PPP2R2B: variants seen among roughly 807,000 people sequenced by gnomAD.
PPP2R2B encodes the protein protein phosphatase 2 regulatory subunit Bbeta, also known as serine/threonine-protein phosphatase 2A 55 kDa regulatory subunit B beta isoform.
A neutral mutation model predicts 46.0 loss-of-function variants in PPP2R2B; 5 were observed. The ratio of observed to expected loss-of-function variants is 0.11; its 90% CI spans 0.06 to 0.23. PPP2R2B has a LOEUF of 0.23. Ranked by LOEUF, PPP2R2B falls within the 10% of genes least tolerant of loss-of-function variation. PPP2R2B has a pLI of 1.00. For synonymous variants in PPP2R2B, 215 were observed against 206.7 expected (o/e 1.04, Z -0.34); for missense variants, 367 against 575.0 (o/e 0.64, Z 3.70).
At chr5:146,593,922 G>T (rs528912189) in intron 8 of PPP2R2B, among the ~76,000 whole-genome samples, 1 of 152,234 alleles carries the variant, frequency 6.6e-6, no homozygotes, top group African/African-American at 2.4e-5. Context: ...GTTATAACCT[G>T]AGTGATAGAT....
chr5:147,019,960 T>G (rs1755184827), intron 1 of PPP2R2B, among the ~76,000 whole-genome samples: 1 of 152,160 alleles, frequency 6.6e-6, no homozygotes, highest in Non-Finnish European at 1.5e-5. Context: ...TGGCCATTCC[T>G]TATCAACAGA....
chr5:147,028,992 T>A (rs1294210846), intron 1 of PPP2R2B, among the ~76,000 whole-genome samples: 3 of 152,222 alleles, frequency 2.0e-5, no homozygotes, highest in Admixed American at 2.0e-4. Flanking sequence ...TGCCTATTGT[T>A]CTATTGAGCT....
At position 147,027,460 on chromosome 5, in the gene PPP2R2B, T is replaced by A. The variant is rs932796143; in HGVS notation, c.79+28205A>T. ...CCATCCTGGCCAACATGGTGACACC[T>A]CGTCTCTACTAAAAATACAAAAATT... On this transcript the variant is annotated intron_variant, in intron 1 of 8. Transcript: ENST00000336640. 2.0e-5 allele frequency among the ~76,000 whole-genome samples: 3 copies of A among 151,892 alleles called. No individual in the cohort carries two copies. The South Asian group carries it at 6.2e-4, about 32-fold the overall frequency.
chr5:146,727,302 TG>T (rs1218931705), intron 2 of PPP2R2B, among the ~76,000 whole-genome samples: 2 of 139,198 alleles, frequency 1.4e-5, no homozygotes, highest in Non-Finnish European at 1.5e-5. Flanking sequence ...TTATGAGAGG[TG>T]TTTTTTTTTT....
intron 2 of PPP2R2B, among the ~76,000 whole-genome samples, chr5:147,077,499 T>G (rs1010936200): frequency 5.3e-5 from 8 of 152,096 alleles, no homozygotes; most frequent in Admixed American, 6.6e-5. Flanking sequence ...CTGAATAATT[T>G]TTATTGACTT....
At chr5:146,750,807 C>T (rs767441147) in intron 2 of PPP2R2B, among the ~76,000 whole-genome samples, 5 of 152,092 alleles carry the variant, frequency 3.3e-5, no homozygotes, top group East Asian at 3.8e-4. Flanking sequence ...TTGGCACCTA[C>T]TTTGAATTAA....
intron 4 of PPP2R2B, among the ~76,000 whole-genome samples, chr5:146,694,073 T>A (rs1003249090): frequency 1.3e-5 from 2 of 152,160 alleles, no homozygotes; most frequent in African/African-American, 4.8e-5. Flanking sequence ...CACAGTACCA[T>A]TCGCCTTGAA....
At chr5:146,603,757 G>A (rs915461946) in intron 7 of PPP2R2B, among the ~76,000 whole-genome samples, 2 of 152,052 alleles carry the variant, frequency 1.3e-5, no homozygotes, top group East Asian at 3.9e-4. Flanking sequence ...TCATTTAGTT[G>A]TTAAAACAGC....
chr5:146,742,209 C>T (rs772404575), intron 2 of PPP2R2B, among the ~76,000 whole-genome samples: 8 of 152,336 alleles, frequency 5.3e-5, no homozygotes, highest in Admixed American at 1.3e-4. Context: ...GACTATATTG[C>T]TCCAAAGGGT....
intron 2 of PPP2R2B, among the ~76,000 whole-genome samples, chr5:146,827,039 G>A (rs575833803): frequency 6.6e-6 from 1 of 152,262 alleles, no homozygotes; most frequent in Admixed American, 6.5e-5. Context: ...AACTGCTTAA[G>A]TTTCTGCTTC....
In PPP2R2B at chr5:147,055,865, C is replaced by T. The variant is rs1757065081; in HGVS notation, c.-122G>A. The T allele has an allele frequency of 4.8e-6, 7 of 1,469,250 alleles. No individual in the cohort carries two copies. The African/African-American group carries it at 9.9e-5, about 21-fold the overall frequency. The allele number at this position is 1,469,250 out of a possible 1,614,324, so 91.0% of individuals were successfully genotyped here. On this transcript the variant is annotated 5_prime_UTR_variant, in exon 1 of 9. Transcript: ENST00000336640. ...TTATGTAGGTTCTTTCCCAGATTTGCAAAGCTGGGGTGCCCGAGGAATAAC... is the reference window on the plus strand; with the variant it reads ...TTATGTAGGTTCTTTCCCAGATTTGTAAAGCTGGGGTGCCCGAGGAATAAC...
chr5:146,935,845 G>T (rs1764121713), intron 1 of PPP2R2B, among the ~76,000 whole-genome samples: 1 of 152,162 alleles, frequency 6.6e-6, no homozygotes, highest in African/African-American at 2.4e-5. Context: ...GTCTGCATAT[G>T]CTTGGACTCA....
At chr5:146,950,631 AGCCAAAGAGTCACTGTTTAG>A (rs1311635460) in intron 1 of PPP2R2B, among the ~76,000 whole-genome samples, 2 of 152,026 alleles carry the variant, frequency 1.3e-5, no homozygotes, top group Non-Finnish European at 2.9e-5. Flanking sequence ...ATAAATATAC[AGCCAAAGAGTCACTGTTTAG>A]GCTGTACATA....
chr5:146,909,674 C>T (rs905539513), intron 1 of PPP2R2B, among the ~76,000 whole-genome samples: 3 of 152,214 alleles, frequency 2.0e-5, no homozygotes, highest in Non-Finnish European at 4.4e-5. Context: ...CACTGTGTTG[C>T]AAGCCCGCAT....
intron 2 of PPP2R2B, among the ~76,000 whole-genome samples, chr5:146,835,623 A>G (rs1442276439): frequency 6.6e-6 from 1 of 152,126 alleles, no homozygotes; most frequent in Non-Finnish European, 1.5e-5. Context: ...CTCACAGTCT[A>G]CTGATGAAGA....
chr5:146,658,280 T>C (rs1214638359), intron 5 of PPP2R2B, among the ~76,000 whole-genome samples: 2 of 152,198 alleles, frequency 1.3e-5, no homozygotes, highest in African/African-American at 2.4e-5. Context: ...CTTGAGGCAC[T>C]AGACGGTAAA....
chr5:146,739,978 T>C (rs938960467), intron 2 of PPP2R2B, among the ~76,000 whole-genome samples: 2 of 152,132 alleles, frequency 1.3e-5, no homozygotes, highest in South Asian at 4.1e-4. Context: ...CTTGGAAAAA[T>C]GTGGGTGCGA....
intron 2 of PPP2R2B, among the ~76,000 whole-genome samples, chr5:146,795,483 T>A (rs1299160999): frequency 6.6e-6 from 1 of 152,040 alleles, no homozygotes; most frequent in Non-Finnish European, 1.5e-5. Context: ...TCTAAAAAAG[T>A]TGAACTCATA....
At chr5:146,948,830 T>C (rs540313194) in intron 1 of PPP2R2B, among the ~76,000 whole-genome samples, 6 of 152,224 alleles carry the variant, frequency 3.9e-5, no homozygotes, top group African/African-American at 1.2e-4. Flanking sequence ...TAAGTAACTA[T>C]AATTGAGTGA....
Sources: allele counts gnomAD v4.1 joint callset (sites outside exome capture counted in the v4.1 genomes callset), GRCh38; gene constraint gnomAD v4.1.1; transcripts MANE v1.5; gene names NCBI Gene and HGNC (gene_info 2026-07-23, HGNC 2026-07-21).